The following NFATC2 variants were observed in gnomAD, a reference collection of about 807,000 sequenced individuals.
NFATC2 encodes nuclear factor of activated T cells 2, also known as nuclear factor of activated T-cells, cytoplasmic 2.
NFATC2 carries 22 observed loss-of-function variants against 87.3 expected under a neutral mutation model. That is an observed-to-expected ratio of 0.25 (90% CI 0.18 to 0.36). NFATC2 has a LOEUF of 0.36. Among genes scored for constraint, NFATC2 ranks in the 10% least tolerant of loss-of-function variants. The pLI is 1.00. For missense variants in NFATC2, 1,149 were observed against 1,259.1 expected (o/e 0.91, Z 1.32); for synonymous variants, 565 against 542.2 (o/e 1.04, Z -0.58).
intron 6 of NFATC2, among the ~76,000 whole-genome samples, chr20:51,445,253 G>A (rs543396149): frequency 2.0e-4 from 30 of 152,204 alleles, no homozygotes; most frequent in Non-Finnish European, 3.1e-4. Flanking sequence ...CCAGCCGCCC[G>A]GGCCTGCTTC....
intron 5 of NFATC2, among the ~76,000 whole-genome samples, chr20:51,459,715 T>C (rs1356913412): frequency 1.3e-5 from 2 of 151,990 alleles, no homozygotes; most frequent in Non-Finnish European, 2.9e-5. Context: ...CCATCTCTAC[T>C]AAAAACTACA....
intron 3 of NFATC2, among the ~76,000 whole-genome samples, chr20:51,498,802 G>T (rs2076031750): frequency 6.6e-6 from 1 of 152,188 alleles, no homozygotes; most frequent in Non-Finnish European, 1.5e-5. Context: ...AAACACCTAA[G>T]TAGAAAGACA....
At chr20:51,505,611 G>A (rs1437501348) in intron 3 of NFATC2, among the ~76,000 whole-genome samples, 6 of 152,072 alleles carry the variant, frequency 3.9e-5, no homozygotes, top group African/African-American at 7.2e-5. Flanking sequence ...GAACCACACC[G>A]TGCAATGGAA....
intron 9 of NFATC2, among the ~76,000 whole-genome samples, chr20:51,401,206 C>T (rs923876540): frequency 6.6e-6 from 1 of 152,022 alleles, no homozygotes; most frequent in African/African-American, 2.4e-5. Context: ...CCCGTCTCTA[C>T]TAAAAATACA....
upstream of NFATC2, among the ~76,000 whole-genome samples, chr20:51,544,876 C>T (rs909886939): frequency 1.3e-5 from 2 of 152,218 alleles, no homozygotes; most frequent in Non-Finnish European, 2.9e-5. Flanking sequence ...GGCCTGGGGG[C>T]TGGCTCAGGA....
chr20:51,409,985 C>A (rs545315018), intron 9 of NFATC2, among the ~76,000 whole-genome samples: 1 of 152,104 alleles, frequency 6.6e-6, no homozygotes, highest in African/African-American at 2.4e-5. Flanking sequence ...CTGAGGTGGG[C>A]GGATCACGAG....
chr20:51,513,294 G>T (rs1292771442), intron 3 of NFATC2, among the ~76,000 whole-genome samples: 1 of 151,980 alleles, frequency 6.6e-6, no homozygotes, highest in Non-Finnish European at 1.5e-5. Flanking sequence ...CCTAAGCAAC[G>T]CAGGGAGACC....
intron 5 of NFATC2, among the ~76,000 whole-genome samples, chr20:51,470,880 GGCCAACTGGTA>G (rs1393143668): frequency 2.0e-5 from 3 of 152,152 alleles, no homozygotes; most frequent in African/African-American, 7.2e-5. Context: ...GAACTAGAGT[GGCCAACTGGTA>G]GCTCAGCTTG....
intron 9 of NFATC2, among the ~76,000 whole-genome samples, chr20:51,425,795 C>T (rs889001222): frequency 4.6e-5 from 7 of 152,204 alleles, no homozygotes; most frequent in South Asian, 4.1e-4. Context: ...CTGTTTCTCA[C>T]GCATTGGTGC....
intron 3 of NFATC2, among the ~76,000 whole-genome samples, chr20:51,488,393 T>C (rs1210664238): frequency 6.6e-6 from 1 of 152,194 alleles, no homozygotes; most frequent in Non-Finnish European, 1.5e-5. Flanking sequence ...GGGGGCCAAA[T>C]AAGTCTTTCT....
intron 3 of NFATC2, among the ~76,000 whole-genome samples, chr20:51,510,578 C>T (rs1008501085): frequency 1.4e-4 from 22 of 152,182 alleles, no homozygotes; most frequent in Admixed American, 4.6e-4. Flanking sequence ...TCTGAAAGAA[C>T]CCTAGACTTG....
In NFATC2 at chr20:51,402,163, G is replaced by T. The variant is rs1240878080; in HGVS notation, c.2723-3433C>A. Among the ~76,000 whole-genome samples the T allele has an allele frequency of 2.6e-5, 4 of 152,298 alleles. No homozygotes were observed. In the East Asian group the frequency reaches 7.7e-4, roughly 29 times the overall value. On this transcript the variant is annotated intron_variant, in intron 9 of 10. Transcript: ENST00000371564. ...TGCACATCAACTTACAATCTACGGA[G>T]AAACAATTGGTGACTTTCTCAACTA...
In NFATC2 at chr20:51,494,659, T is replaced by C. The variant is rs2075958905; in HGVS notation, c.1333-18999A>G. Among the ~76,000 whole-genome samples, 3 of 152,132 alleles carry C rather than the reference T, an allele frequency of 2.0e-5. No homozygotes were observed. The South Asian group carries it at 6.2e-4, about 32-fold the overall frequency. On this transcript the variant is annotated intron_variant, in intron 3 of 10. Transcript: ENST00000371564. Reference sequence around the variant, plus strand: ...CATAAACAAGGCCGCGGCTCAGTCATCTCACAGCATGGGAGAGGTTCTCAC... The same window carrying C: ...CATAAACAAGGCCGCGGCTCAGTCACCTCACAGCATGGGAGAGGTTCTCAC...
rs1050242372 is a variant in NFATC2 at position 51,427,954 on chromosome 20, GATTTC to G, written c.2722+4108_2722+4112del. On this transcript the variant is annotated intron_variant, in intron 9 of 10. Transcript: ENST00000371564. ...ACTAAACAATCACCGTGAGAGCAAA[GATTTC>G]ATTTCATTTGTTCACTTAGTGGATC... Among the ~76,000 whole-genome samples, 7 of 152,218 alleles carry G rather than the reference GATTTC, an allele frequency of 4.6e-5. No homozygotes were observed. The East Asian group carries it at 9.6e-4, about 21-fold the overall frequency.
At position 51,425,171 on chromosome 20, in the gene NFATC2, G is replaced by C. The variant is rs1481821991; in HGVS notation, c.2722+6896C>G. On this transcript the variant is annotated intron_variant, in intron 9 of 10. Transcript: ENST00000371564. ...CCAGTATTAGAGAGCAGACCAGAAG[G>C]GGGAAGACATCTTCTGCTGGATGTC... Among the ~76,000 whole-genome samples, 3 of 152,182 alleles carry C rather than the reference G, an allele frequency of 2.0e-5. No homozygotes were observed. In the East Asian group the frequency reaches 5.8e-4, roughly 29 times the overall value.
chr20:51,470,758 C>T (rs1988132982), intron 5 of NFATC2, among the ~76,000 whole-genome samples: 1 of 152,292 alleles, frequency 6.6e-6, no homozygotes, highest in South Asian at 2.1e-4. Flanking sequence ...TACTGACTAC[C>T]TCCCTGTGGA....
intron 9 of NFATC2, among the ~76,000 whole-genome samples, chr20:51,408,670 T>A (rs1042774171): frequency 2.0e-5 from 3 of 152,188 alleles, no homozygotes; most frequent in Non-Finnish European, 4.4e-5. Context: ...TCCCTCATAC[T>A]GGACATAAAA....
chr20:51,493,560 C>T (rs2075935431), intron 3 of NFATC2, among the ~76,000 whole-genome samples: 1 of 152,158 alleles, frequency 6.6e-6, no homozygotes, highest in African/African-American at 2.4e-5. Context: ...ACCTTTCCAC[C>T]CCGACTATGA....
intron 9 of NFATC2, among the ~76,000 whole-genome samples, chr20:51,429,866 G>A (rs6126230): frequency 0.52 from 78,893 of 151,952 alleles, 22,614 homozygotes; most frequent in South Asian, 0.64. Flanking sequence ...CACCTCGCTC[G>A]GTTCTCTGAG....
Sources: allele counts gnomAD v4.1 joint callset (sites outside exome capture counted in the v4.1 genomes callset), GRCh38; gene constraint gnomAD v4.1.1; transcripts MANE v1.5; gene names NCBI Gene and HGNC (gene_info 2026-07-23, HGNC 2026-07-21).